Variants in ZNF426 observed in about 807,000 individuals in gnomAD.
The protein encoded by ZNF426 is zinc finger protein 426.
A neutral mutation model predicts 24.0 loss-of-function variants in ZNF426; 23 were observed. That is an observed-to-expected ratio of 0.96 (90% CI 0.69 to 1.36). ZNF426 has a LOEUF of 1.36. ZNF426 is among the 40% of genes most tolerant of loss of function. ZNF426 has a pLI of 0.00. For synonymous variants in ZNF426, 272 were observed against 224.6 expected (o/e 1.21, Z -1.89); for missense variants, 646 against 658.4 (o/e 0.98, Z 0.21).
chr19:9,533,982 C>A lies in ZNF426; in HGVS notation c.118-16G>T, dbSNP rs530550695. 6.2e-7 allele frequency: 1 copy of A among 1,610,524 alleles called. No individual in the cohort carries two copies. The highest frequency in any genetic ancestry group is 1.3e-5 in the African/African-American group (1 of 74,840). On this transcript the variant is annotated splice_polypyrimidine_tract_variant and intron_variant, in intron 4 of 7. Transcript: ENST00000253115. ...TCACTGAATCCTAAAGCATCACACA[C>A]ATGCTGGTTGGAGCCAAGTAACAAG...
At chr19:9,534,593 CTTT>C (rs571095790) in intron 4 of ZNF426, among the ~76,000 whole-genome samples, 1 of 148,458 alleles carries the variant, frequency 6.7e-6, no homozygotes, top group African/African-American at 2.5e-5. Context: ...TTAAAGGACA[CTTT>C]TTTTTTTAAT....
At chr19:9,538,176 AACCAAACTT>A (rs2073996916) in intron 2 of ZNF426, 74 bp downstream of exon 2, 1 of 152,202 alleles carries the variant, frequency 6.6e-6, no homozygotes. Flanking sequence ...AATAAGACGA[AACCAAACTT>A]ACAGATGAAA....
In ZNF426 at chr19:9,535,195, C is replaced by T; in HGVS notation, c.110G>A (p.Cys37Tyr). 1 of 1,607,902 alleles carries T rather than the reference C, an allele frequency of 6.2e-7. No individual in the cohort carries two copies. Among genetic ancestry groups the T allele is most frequent in the Non-Finnish European group, 8.5e-7 (1 of 1,176,240 alleles). Residue 37 changes from cysteine to tyrosine, a missense_variant, in exon 4 of 8, where the codon TGT becomes TAT. Cys to Tyr is a radical substitution (Grantham distance 194). Transcript: ENST00000253115. ...AATACAGCTGCTTTTTACCTGATAACAATCTGTTAGGCAGTCAGCCACTAT... is the reference window on the plus strand; with the variant it reads ...AATACAGCTGCTTTTTACCTGATAATAATCTGTTAGGCAGTCAGCCACTAT... The part of the protein sequence containing the change: ...GRIVADCLTD[C>Y]YQDSVTFDDV...
Position 9,528,094 on chromosome 19 carries a change from T to G in ZNF426, c.*286A>C. The G allele has an allele frequency of 7.1e-6, 2 of 280,380 alleles. No homozygotes were observed. Among genetic ancestry groups the G allele is most frequent in the African/African-American group, 2.2e-5 (1 of 45,198 alleles). The allele number at this position is 280,380 out of a possible 1,614,324, so 17.4% of individuals were successfully genotyped here. A position where few individuals can be genotyped will look rare whatever the true frequency, so the allele number is the denominator to read the frequency against. On this transcript the variant is annotated 3_prime_UTR_variant, in exon 8 of 8. Coordinates refer to ENST00000253115, the MANE Select transcript of ZNF426 (RefSeq NM_024106.3). ...ACCTCTGCTTCCTGGGTTCAAGTGA[T>G]TCACTTGCCTCAGCCTCCCAAGTAG... is the stretch of plus-strand genomic sequence containing the variant.
chr19:9,528,131 G>A lies in ZNF426; in HGVS notation c.*249C>T. ...AGCCTCCCAAGTAGCTGGGATTACA[G>A]GTGCCCACCACACCTGGCTAAATTT... On this transcript the variant is annotated 3_prime_UTR_variant, in exon 8 of 8. Coordinates refer to ENST00000253115, the MANE Select transcript of ZNF426 (RefSeq NM_024106.3). 1 of 361,996 alleles carries A rather than the reference G, an allele frequency of 2.8e-6. No individual in the cohort carries two copies. Among genetic ancestry groups the A allele is most frequent in the Non-Finnish European group, 5.0e-6 (1 of 199,840 alleles). The allele number at this position is 361,996 out of a possible 1,614,324, so 22.4% of individuals were successfully genotyped here. A position where few individuals can be genotyped will look rare whatever the true frequency, so the allele number is the denominator to read the frequency against.
chr19:9,526,918 A>G lies in ZNF426; in HGVS notation c.*1462T>C, dbSNP rs2144762447. ...GCATAGAAGGAAGAAGTGAAGGTAA[A>G]ATAAAAATGTTTATTTTTCTAATAC... On this transcript the variant is annotated 3_prime_UTR_variant, in exon 8 of 8. Transcript: ENST00000253115. 1 of 152,250 alleles carries G rather than the reference A, an allele frequency of 6.6e-6. No individual in the cohort carries two copies. The highest frequency in any genetic ancestry group is 1.5e-5 in the Non-Finnish European group (1 of 68,020). The allele number at this position is 152,250 out of a possible 1,614,324, so 9.4% of individuals were successfully genotyped here.
intron 2 of ZNF426, among the ~76,000 whole-genome samples, chr19:9,537,593 T>C (rs1415106116): frequency 7.3e-6 from 1 of 136,078 alleles, no homozygotes; most frequent in African/African-American, 2.9e-5. Flanking sequence ...CCCAGCCAGC[T>C]TTTTTTTTTT....
intron 5 of ZNF426, 53 bp from the exon 6 acceptor site, chr19:9,532,978 C>A: frequency 6.9e-7 from 1 of 1,452,692 alleles, no homozygotes. Flanking sequence ...AGATTACAAA[C>A]CTTTCTGTGA....
chr19:9,536,362 G>A lies in ZNF426; in HGVS notation c.-124-6C>T. 10 of 1,580,890 alleles carry A rather than the reference G, an allele frequency of 6.3e-6. No homozygotes were observed. Among genetic ancestry groups the A allele is most frequent in the Non-Finnish European group, 8.6e-6 (10 of 1,162,750 alleles). ...AAACAGGGTTATTGGGATTCCTGTTGGTATTAATCAATAATCAACAAGCAG... is the reference window on the plus strand; with the variant it reads ...AAACAGGGTTATTGGGATTCCTGTTAGTATTAATCAATAATCAACAAGCAG... On this transcript the variant is annotated splice_polypyrimidine_tract_variant and splice_region_variant and intron_variant, in intron 2 of 7. Transcript: ENST00000253115.
chr19:9,528,742 G>A lies in ZNF426; in HGVS notation c.1303C>T (p.Leu435Phe), dbSNP rs762998485. ...CGKVFGYPSC[L>F]NNHMRTHSAQ... The stretch of plus-strand genomic sequence containing the variant: ...CTGTGCGTTCGCATGTGATTATTAA[G>A]ACATGAGGGATACCCAAATACTTTC... Residue 435 changes from leucine to phenylalanine, a missense_variant, in exon 8 of 8, where the codon CTT (leucine) becomes TTT (phenylalanine). Coordinates refer to ENST00000253115, the MANE Select transcript of ZNF426 (RefSeq NM_024106.3). 7 of 1,613,938 alleles carry A rather than the reference G, an allele frequency of 4.3e-6. No homozygotes were observed. In the African/African-American group the frequency reaches 8.0e-5, roughly 18 times the overall value.
rs748432458 is a variant in ZNF426, at chr19:9,528,915, G to A, written c.1130C>T (p.Ser377Leu). ...AGTTCTTATATGTTGAATAAGGCGT[G>A]AGGATGTAAGGAAGGATTTCCCACA... ...KECGKSFLTS[S>L]RLIQHIRTHT... Residue 377 changes from serine to leucine, a missense_variant, in exon 8 of 8, where the codon TCA (serine) becomes TTA (leucine). Coordinates refer to ENST00000253115, the MANE Select transcript of ZNF426 (RefSeq NM_024106.3). The A allele has an allele frequency of 3.7e-6, 6 of 1,613,942 alleles. No homozygotes were observed. The highest frequency in any genetic ancestry group is 4.2e-6 in the Non-Finnish European group (5 of 1,179,914).
chr19:9,534,895 T>TGG (rs2073941938), intron 4 of ZNF426, among the ~76,000 whole-genome samples: 1 of 152,018 alleles, frequency 6.6e-6, no homozygotes, highest in South Asian at 2.1e-4. Flanking sequence ...ATGCCCGGCC[T>TGG]GGGATGATTT....
In ZNF426 at chr19:9,525,463, T is replaced by C. The variant is rs890209869; in HGVS notation, c.*2917A>G. 9 of 152,188 alleles carry C rather than the reference T, an allele frequency of 5.9e-5. No homozygotes were observed. Among genetic ancestry groups the C allele is most frequent in the African/African-American group, 1.9e-4 (8 of 41,346 alleles). 9.4% of individuals were successfully genotyped at this position (152,188 alleles called of 1,614,324 possible). On this transcript the variant is annotated 3_prime_UTR_variant, in exon 8 of 8. Coordinates refer to ENST00000253115, the MANE Select transcript of ZNF426 (RefSeq NM_024106.3). ...GTTCATGTTTAAGAAAGGCTGAGCA[T>C]TGATGATGGGTTTTTGTTGTTGTTG...
At chr19:9,533,702 T>C (rs573852741) in intron 5 of ZNF426, 138 bp downstream of exon 5, 14 of 1,210,852 alleles carry the variant, frequency 1.2e-5, no homozygotes, top group African/African-American at 1.6e-5. Flanking sequence ...TCACAGTAGA[T>C]TAAAATCTAT....
intron 6 of ZNF426, among the ~76,000 whole-genome samples, chr19:9,531,716 G>A (rs2073887005): frequency 6.6e-6 from 1 of 152,168 alleles, no homozygotes; most frequent in African/African-American, 2.4e-5. Flanking sequence ...CGGGCACGGT[G>A]GCTCATGCCT....
At chr19:9,531,142 T>G in intron 6 of ZNF426, 75 bp from the exon 7 acceptor site, 1 of 1,261,456 alleles carries the variant, frequency 7.9e-7, no homozygotes, top group Non-Finnish European at 1.2e-6. Context: ...CCCAGCACTT[T>G]GGGAGGCTAA....
At chr19:9,533,301 A>ACC (rs1568485729) in intron 5 of ZNF426, among the ~76,000 whole-genome samples, 7 of 152,006 alleles carry the variant, frequency 4.6e-5, no homozygotes, top group African/African-American at 1.7e-4. Flanking sequence ...CAAAAAAAAA[A>ACC]AAAAAATAGC....
rs148980826 is a variant in ZNF426, at chr19:9,528,887, G to A, written c.1158C>T (p.His386=). ...SSRLIQHIRT[H]TGEKPFVCVE... is the part of the protein sequence containing the mutation. ...CACATACAAAAGGCTTCTCTCCAGT[G>A]TGAGTTCTTATATGTTGAATAAGGC... The change falls in exon 8 of 8, where the codon CAC becomes CAT. Residue 386 remains histidine (H), a synonymous_variant. Coordinates refer to ENST00000253115, the MANE Select transcript of ZNF426 (RefSeq NM_024106.3). 1.3e-4 allele frequency: 209 copies of A among 1,614,066 alleles called. No homozygotes were observed. Among genetic ancestry groups the A allele is most frequent in the Non-Finnish European group, 1.7e-4 (200 of 1,180,042 alleles).
At chr19:9,535,781 C>G (rs1338970946) in intron 3 of ZNF426, among the ~76,000 whole-genome samples, 2 of 150,532 alleles carry the variant, frequency 1.3e-5, no homozygotes, top group Admixed American at 1.3e-4. Flanking sequence ...CTGCAGTGAG[C>G]TATGAATGCA....
Sources: gnomAD v4.1 joint callset for allele counts (sites outside exome capture counted in the v4.1 genomes callset) on GRCh38, gnomAD v4.1.1 for gene constraint, MANE v1.5 for transcripts, NCBI Gene and HGNC (gene_info 2026-07-23, HGNC 2026-07-21) for gene names.